The following BARX2 variants were observed in gnomAD, a reference collection of about 807,000 sequenced individuals.
BARX2 encodes the protein BARX homeobox 2.
BARX2 carries 11 observed loss-of-function variants against 25.5 expected under a neutral mutation model. The ratio of observed to expected loss-of-function variants is 0.43; its 90% CI spans 0.27 to 0.71. BARX2 has a LOEUF of 0.71. Ranked by LOEUF, BARX2 falls within the 30% of genes least tolerant of loss-of-function variation. The pLI, the probability that BARX2 is intolerant of heterozygous loss-of-function variation, is 0.19. For synonymous variants in BARX2, 137 were observed against 149.5 expected (o/e 0.92, Z 0.61); for missense variants, 360 against 359.9 (o/e 1.00, Z 0.00).
intron 1 of BARX2, among the ~76,000 whole-genome samples, chr11:129,393,170 G>C (rs1861682868): frequency 6.6e-6 from 1 of 152,090 alleles, no homozygotes. Context: ...AGGAGTTCAA[G>C]GCTGCAGTGA....
At chr11:129,421,787 T>C (rs568427962) in intron 1 of BARX2, among the ~76,000 whole-genome samples, 1 of 152,348 alleles carries the variant, frequency 6.6e-6, no homozygotes, top group African/African-American at 2.4e-5. Flanking sequence ...CATCAGAAGT[T>C]GAAATGAGGC....
intron 2 of BARX2, among the ~76,000 whole-genome samples, chr11:129,440,944 G>A (rs1431705921): frequency 6.6e-6 from 1 of 152,226 alleles, no homozygotes; most frequent in African/African-American, 2.4e-5. Context: ...TCTGTCAGGG[G>A]TGATTGTCCC....
chr11:129,452,268 C>A lies in BARX2; in HGVS notation c.*866C>A, dbSNP rs1005448925. The A allele has an allele frequency of 2.0e-5, 3 of 152,142 alleles. No individual in the cohort carries two copies. The highest frequency in any genetic ancestry group is 4.4e-5 in the Non-Finnish European group (3 of 68,020). 9.4% of individuals were successfully genotyped at this position (152,142 alleles called of 1,614,324 possible). ...TTTTATTTTTTAATTAAAAATAAATCTTTCAAAAGGATTGAGTGTTTTGTG... is the reference window on the plus strand; with the variant it reads ...TTTTATTTTTTAATTAAAAATAAATATTTCAAAAGGATTGAGTGTTTTGTG... On this transcript the variant is annotated 3_prime_UTR_variant, in exon 4 of 4. Transcript: ENST00000281437.
At chr11:129,434,560 C>A (rs1591444998) in intron 1 of BARX2, among the ~76,000 whole-genome samples, 1 of 151,608 alleles carries the variant, frequency 6.6e-6, no homozygotes, top group Non-Finnish European at 1.5e-5. Flanking sequence ...CTAGATAGTA[C>A]TTTTTAATGG....
chr11:129,448,914 G>A (rs1472306261), intron 3 of BARX2, among the ~76,000 whole-genome samples: 1 of 152,190 alleles, frequency 6.6e-6, no homozygotes, highest in African/African-American at 2.4e-5. Context: ...ATTATGCTAA[G>A]TGAAAGAAGC....
intron 1 of BARX2, among the ~76,000 whole-genome samples, chr11:129,428,412 T>C (rs1283395044): frequency 1.3e-5 from 2 of 152,240 alleles, no homozygotes; most frequent in Admixed American, 6.5e-5. Context: ...ATTTATAATT[T>C]GGCACTGTTT....
Position 129,436,387 on chromosome 11 carries a change from G to T in BARX2, c.188-364G>T. ...AGTTTGCATATTACAAATCTATTTC[G>T]GGTTTCTGAAATATGTGTCTCTAGC... On this transcript the variant is annotated intron_variant, in intron 1 of 3. Transcript: ENST00000281437. The surrounding 1 kb of genome is among the most constrained non-coding windows in gnomAD (Gnocchi z 4.5). The T allele has an allele frequency of 4.2e-6, 1 of 240,686 alleles. No individual in the cohort carries two copies. The highest frequency in any genetic ancestry group is 7.9e-6 in the Non-Finnish European group (1 of 125,840). 14.9% of individuals were successfully genotyped at this position (240,686 alleles called of 1,614,324 possible). A position where few individuals can be genotyped will look rare whatever the true frequency, so the allele number is the denominator to read the frequency against.
At chr11:129,409,436 C>G (rs1861865398) in intron 1 of BARX2, among the ~76,000 whole-genome samples, 1 of 152,120 alleles carries the variant, frequency 6.6e-6, no homozygotes, top group Non-Finnish European at 1.5e-5. Flanking sequence ...ACATTCCCCC[C>G]ACCCTCCAGG....
chr11:129,415,615 C>T (rs956942369), intron 1 of BARX2, among the ~76,000 whole-genome samples: 18 of 152,138 alleles, frequency 1.2e-4, no homozygotes, highest in African/African-American at 2.4e-4. Flanking sequence ...CACAGAGCAC[C>T]GGGCCCTGGA....
chr11:129,382,441 A>T (rs1013667372), intron 1 of BARX2, among the ~76,000 whole-genome samples: 10 of 152,270 alleles, frequency 6.6e-5, no homozygotes, highest in African/African-American at 2.4e-4. Flanking sequence ...GGCCTCCTGA[A>T]GTGCTGGGAT....
At position 129,451,331 on chromosome 11, in the gene BARX2, G is replaced by C. The variant is rs1862397981; in HGVS notation, c.769G>C (p.Glu257Gln). Reference protein sequence around the residue: ...QEPKARDVPLEMAEPPDPPQE... With the variant: ...QEPKARDVPLQMAEPPDPPQE... ...ACCGAAAGCACGTGATGTCCCCTTA[G>C]AGATGGCAGAGCCACCAGACCCGCC... Residue 257 changes from glutamate to glutamine, a missense_variant, in exon 4 of 4, where the codon GAG becomes CAG. By Grantham distance (29) the Glu-to-Gln change is conservative. Transcript: ENST00000281437. The C allele has an allele frequency of 6.2e-7, 1 of 1,614,142 alleles. No individual in the cohort carries two copies. The highest frequency in any genetic ancestry group is 8.5e-7 in the Non-Finnish European group (1 of 1,180,022).
At position 129,451,405 on chromosome 11, in the gene BARX2, TA is replaced by T. The variant is rs762391966; in HGVS notation, c.*7del. On this transcript the variant is annotated 3_prime_UTR_variant, in exon 4 of 4. Transcript: ENST00000281437. ...CGGAACCCCCACCATTAAGCTAAAG[TA>T]AAACCCTTTTGAGGGAAGAGGGAGA... The T allele has an allele frequency of 6.2e-7, 1 of 1,609,724 alleles. No individual in the cohort carries two copies. The highest frequency in any genetic ancestry group is 2.2e-5 in the East Asian group (1 of 44,730).
intron 2 of BARX2, 149 bp from the exon 3 acceptor site, chr11:129,442,686 A>C (rs1212670551): frequency 1.9e-5 from 14 of 734,416 alleles, no homozygotes; most frequent in East Asian, 8.0e-5. Context: ...GAAGGAAAGA[A>C]AAGCGCTTTG....
At chr11:129,385,743 C>T (rs1244816490) in intron 1 of BARX2, among the ~76,000 whole-genome samples, 1 of 152,182 alleles carries the variant, frequency 6.6e-6, no homozygotes. Context: ...AAACTTGGGT[C>T]ATGGCTACAT....
intron 1 of BARX2, among the ~76,000 whole-genome samples, chr11:129,422,743 G>T (rs80116850): frequency 0.034 from 4,683 of 138,654 alleles, 248 homozygotes; most frequent in African/African-American, 0.12. Flanking sequence ...CACTCTTTTC[G>T]CCCGGACTGG....
chr11:129,443,235 A>G (rs919438588), intron 3 of BARX2, among the ~76,000 whole-genome samples: 4 of 152,096 alleles, frequency 2.6e-5, no homozygotes, highest in African/African-American at 9.7e-5. Context: ...CAGTTTTGTT[A>G]CTTAGGTATA....
intron 1 of BARX2, among the ~76,000 whole-genome samples, chr11:129,414,280 G>A (rs1329662879): frequency 6.6e-6 from 1 of 151,970 alleles, no homozygotes; most frequent in African/African-American, 2.4e-5. Context: ...TGTAAGTATT[G>A]TATGACCTTT....
intron 1 of BARX2, among the ~76,000 whole-genome samples, chr11:129,381,664 A>G (rs569684340): frequency 1.3e-5 from 2 of 152,352 alleles, no homozygotes; most frequent in African/African-American, 2.4e-5. Flanking sequence ...AAACATGGAT[A>G]GTATAAAGTT....
In BARX2 at chr11:129,436,951, C is replaced by A. The variant is rs375622525; in HGVS notation, c.388C>A (p.Gln130Lys). The A allele has an allele frequency of 6.2e-7, 1 of 1,612,324 alleles. No homozygotes were observed. The highest frequency in any genetic ancestry group is 8.5e-7 in the Non-Finnish European group (1 of 1,178,794). ...AGAGACGGAACAGCCCACGCCCCGA[C>A]AGAAGAAGCCCCGCCGGAGTCGCAC... Reference protein sequence around the residue: ...ESETEQPTPRQKKPRRSRTIF... With the variant: ...ESETEQPTPRKKKPRRSRTIF... Residue 130 changes from glutamine (Q) to lysine (K), a missense_variant, in exon 2 of 4, where the codon CAG becomes AAG. This residue lies in a region of BARX2 where 240 missense variants were observed against 228.7 expected (regional missense o/e 1.05). Transcript: ENST00000281437. This position sits in a 1 kb window ranked among gnomAD's most constrained non-coding sequence, Gnocchi z 4.5.
Sources: gnomAD v4.1 joint callset for allele counts (sites outside exome capture counted in the v4.1 genomes callset) on GRCh38, gnomAD v4.1.1 for gene constraint, gnomAD v4.1.1 regional missense constraint, Gnocchi (gnomAD v3.1) non-coding constraint, MANE v1.5 for transcripts, NCBI Gene and HGNC (gene_info 2026-07-23, HGNC 2026-07-21) for gene names.